CSNK1D: variants seen among roughly 807,000 people sequenced by gnomAD.
CSNK1D encodes casein kinase 1 delta, also known as casein kinase I isoform delta.
Under a neutral mutation model 46.6 loss-of-function variants are expected in CSNK1D, and 16 were observed. That is an observed-to-expected ratio of 0.34 (90% CI 0.23 to 0.52). The LOEUF (loss-of-function observed/expected upper bound fraction) is 0.52. CSNK1D is among the 20% of genes least tolerant of loss of function. CSNK1D has a pLI of 0.95. For missense variants in CSNK1D, 398 were observed against 578.4 expected (o/e 0.69, Z 3.20); for synonymous variants, 276 against 228.2 (o/e 1.21, Z -1.89).
chr17:82,263,404 T>C (rs1410454650), intron 2 of CSNK1D, among the ~76,000 whole-genome samples: 1 of 152,200 alleles, frequency 6.6e-6, no homozygotes, highest in Non-Finnish European at 1.5e-5. Flanking sequence ...AGGTGCAGGC[T>C]TCTTTACTCT....
chr17:82,273,682 G>A lies in CSNK1D; in HGVS notation c.-301C>T. The A allele has an allele frequency of 7.9e-6, 4 of 505,990 alleles. No homozygotes were observed. The highest frequency in any genetic ancestry group is 3.4e-5 in the East Asian group (1 of 29,058). 31.3% of individuals were successfully genotyped at this position (505,990 alleles called of 1,614,324 possible). A position where few individuals can be genotyped will look rare whatever the true frequency, so the allele number is the denominator to read the frequency against. Reference sequence around the variant, plus strand: ...AATCCCCTTTCAGCTGCCTAAAGGAGCCGCCGCCATCGCGCTGTGACGTCA... The same window carrying A: ...AATCCCCTTTCAGCTGCCTAAAGGAACCGCCGCCATCGCGCTGTGACGTCA... On this transcript the variant is annotated 5_prime_UTR_variant, in exon 1 of 9. Coordinates refer to ENST00000314028, the MANE Select transcript of CSNK1D (RefSeq NM_001893.6). The surrounding 1 kb of genome is among the most constrained non-coding windows in gnomAD (Gnocchi z 5.1).
At position 82,273,143 on chromosome 17, in the gene CSNK1D, C is replaced by T; in HGVS notation, c.76+163G>A. ...TCCCCACTGCCCTCCCCACCCCTGGCCGCGCTAGCCTAGTGGCCGTTGGGT... is the reference window on the plus strand; with the variant it reads ...TCCCCACTGCCCTCCCCACCCCTGGTCGCGCTAGCCTAGTGGCCGTTGGGT... On this transcript the variant is annotated intron_variant, in intron 1 of 8. Coordinates refer to ENST00000314028, the MANE Select transcript of CSNK1D (RefSeq NM_001893.6). This position sits in a 1 kb window ranked among gnomAD's most constrained non-coding sequence, Gnocchi z 5.1. 1 of 684,202 alleles carries T rather than the reference C, an allele frequency of 1.5e-6. No homozygotes were observed. Among genetic ancestry groups the T allele is most frequent in the Non-Finnish European group, 2.4e-6 (1 of 417,196 alleles). The allele number at this position is 684,202 out of a possible 1,614,324, so 42.4% of individuals were successfully genotyped here.
downstream of CSNK1D, among the ~76,000 whole-genome samples, chr17:82,242,475 G>A (rs1458580880): frequency 6.6e-6 from 1 of 151,412 alleles, no homozygotes; most frequent in Non-Finnish European, 1.5e-5. Context: ...GCACGGCGAG[G>A]AGCAGTCGCC....
rs2050906420 is a variant in CSNK1D, at chr17:82,248,448, G to C, written c.1197+427C>G. The C allele has an allele frequency of 6.8e-6, 7 of 1,035,800 alleles. No homozygotes were observed. The highest frequency in any genetic ancestry group is 8.2e-6 in the Non-Finnish European group (7 of 858,014). The allele number at this position is 1,035,800 out of a possible 1,614,324, so 64.2% of individuals were successfully genotyped here. A position where few individuals can be genotyped will look rare whatever the true frequency, so the allele number is the denominator to read the frequency against. On this transcript the variant is annotated intron_variant, in intron 8 of 8. Transcript: ENST00000314028. This position sits in a 1 kb window ranked among gnomAD's most constrained non-coding sequence, Gnocchi z 4.1. Reference sequence around the variant, plus strand: ...GAGGGTCTCACAAGAAGCCCGTGGAGGTCCCTACGGGCCTCCATCCCTGGC... The same window carrying C: ...GAGGGTCTCACAAGAAGCCCGTGGACGTCCCTACGGGCCTCCATCCCTGGC...
chr17:82,253,360 G>A, intron 3 of CSNK1D, 116 bp from the exon 4 acceptor site: 1 of 903,604 alleles, frequency 1.1e-6, no homozygotes, highest in Non-Finnish European at 1.9e-6. Flanking sequence ...GCCACAGCAG[G>A]GTAGTTTAAC....
chr17:82,261,538 G>A (rs190721195), intron 2 of CSNK1D, among the ~76,000 whole-genome samples: 8 of 152,304 alleles, frequency 5.3e-5, no homozygotes, highest in African/African-American at 1.9e-4. Context: ...GTTTTCAGCA[G>A]TTGAACCCTA....
chr17:82,273,519 T>C lies in CSNK1D; in HGVS notation c.-138A>G, dbSNP rs1048413780. The C allele has an allele frequency of 2.8e-6, 3 of 1,056,746 alleles. No individual in the cohort carries two copies. The highest frequency in any genetic ancestry group is 2.2e-5 in the Admixed American group (1 of 45,700). The allele number at this position is 1,056,746 out of a possible 1,614,324, so 65.5% of individuals were successfully genotyped here. A position where few individuals can be genotyped will look rare whatever the true frequency, so the allele number is the denominator to read the frequency against. ...CTCACGGCCCCGCTTTCACCATCGC[T>C]TTCCTGTCGCCCCGCCGCTCCCAGC... On this transcript the variant is annotated 5_prime_UTR_variant, in exon 1 of 9. Coordinates refer to ENST00000314028, the MANE Select transcript of CSNK1D (RefSeq NM_001893.6). This position sits in a 1 kb window ranked among gnomAD's most constrained non-coding sequence, Gnocchi z 5.1.
rs1366113979 is a variant in CSNK1D at position 82,246,283 on chromosome 17, G to C, written c.1198-1452C>G. The C allele has an allele frequency of 2.1e-6, 3 of 1,412,204 alleles. No homozygotes were observed. In the East Asian group the frequency reaches 8.2e-5, roughly 38 times the overall value. The allele number at this position is 1,412,204 out of a possible 1,614,324, so 87.5% of individuals were successfully genotyped here. A position where few individuals can be genotyped will look rare whatever the true frequency, so the allele number is the denominator to read the frequency against. On this transcript the variant is annotated intron_variant, in intron 8 of 8. Coordinates refer to ENST00000314028, the MANE Select transcript of CSNK1D (RefSeq NM_001893.6). Reference sequence around the variant, plus strand: ...TTAAGGCCAACAATGGCATGGGACAGGCCCTCCTGAGTCTTCTCAAGCACT... The same window carrying C: ...TTAAGGCCAACAATGGCATGGGACACGCCCTCCTGAGTCTTCTCAAGCACT...
chr17:82,241,638 G>A (rs2050743071), downstream of CSNK1D, among the ~76,000 whole-genome samples: 1 of 152,208 alleles, frequency 6.6e-6, no homozygotes, highest in Non-Finnish European at 1.5e-5. Context: ...CAGGGGCTGA[G>A]CCTCACCCAC....
At position 82,250,525 on chromosome 17, in the gene CSNK1D, G is replaced by A. The variant is rs1400318822; in HGVS notation, c.885+854C>T. On this transcript the variant is annotated intron_variant, in intron 6 of 8. Coordinates refer to ENST00000314028, the MANE Select transcript of CSNK1D (RefSeq NM_001893.6). The surrounding 1 kb of genome is among the most constrained non-coding windows in gnomAD (Gnocchi z 4.6). ...CGAGTGCACCCCTCCCGGCACCTGGGCCCCGAGGCTCGGGCCTGCCTCGCC... is the reference window on the plus strand; with the variant it reads ...CGAGTGCACCCCTCCCGGCACCTGGACCCCGAGGCTCGGGCCTGCCTCGCC... 1 of 248,896 alleles carries A rather than the reference G, an allele frequency of 4.0e-6. No homozygotes were observed. Among genetic ancestry groups the A allele is most frequent in the Admixed American group, 5.0e-5 (1 of 20,136 alleles). The allele number at this position is 248,896 out of a possible 1,614,324, so 15.4% of individuals were successfully genotyped here. A position where few individuals can be genotyped will look rare whatever the true frequency, so the allele number is the denominator to read the frequency against.
Position 82,263,971 on chromosome 17 carries a change from C to T in CSNK1D, c.187+1715G>A, listed in dbSNP as rs144335670. On this transcript the variant is annotated intron_variant, in intron 2 of 8. Coordinates refer to ENST00000314028, the MANE Select transcript of CSNK1D (RefSeq NM_001893.6). ...GTGGCCTCCTCTGGTCACGTGAGGCCCGTGATGGGACACACTGGGTGCCCC... is the reference window on the plus strand; with the variant it reads ...GTGGCCTCCTCTGGTCACGTGAGGCTCGTGATGGGACACACTGGGTGCCCC... Among the ~76,000 whole-genome samples the T allele has an allele frequency of 3.9e-3, 596 of 152,318 alleles. 2 individuals carry two copies. Among genetic ancestry groups the T allele is most frequent in the South Asian group, 0.028 (136 of 4,822 alleles).
rs550047883 is a variant in CSNK1D at position 82,248,789 on chromosome 17, A to C, written c.1197+86T>G. On this transcript the variant is annotated intron_variant, in intron 8 of 8. Transcript: ENST00000314028. This position sits in a 1 kb window ranked among gnomAD's most constrained non-coding sequence, Gnocchi z 4.1. ...CAAAAATGGGGGGAAGAAAGGAAAG[A>C]AGAAGCCCTGGAGAAACCACAGCCC... 2 of 1,543,252 alleles carry C rather than the reference A, an allele frequency of 1.3e-6. No homozygotes were observed. The highest frequency in any genetic ancestry group is 2.4e-5 in the South Asian group (2 of 84,636).
intron 1 of CSNK1D, 67 bp from the exon 2 acceptor site, chr17:82,265,863 G>T: frequency 8.0e-7 from 1 of 1,249,974 alleles, no homozygotes; most frequent in East Asian, 2.3e-5. Context: ...ACATGCTGGA[G>T]AAACAACAAG....
At chr17:82,266,040 C>T (rs1280361236) in intron 1 of CSNK1D, among the ~76,000 whole-genome samples, 2 of 152,188 alleles carry the variant, frequency 1.3e-5, no homozygotes, top group South Asian at 2.1e-4. Flanking sequence ...TTCCATCACC[C>T]GCCCACCAGT....
rs769591591 is a variant in CSNK1D at position 82,244,768 on chromosome 17, A to G, written c.*13T>C. 5 of 1,613,910 alleles carry G rather than the reference A, an allele frequency of 3.1e-6. No homozygotes were observed. Among genetic ancestry groups the G allele is most frequent in the Middle Eastern group, 1.6e-4 (1 of 6,084 alleles). On this transcript the variant is annotated 3_prime_UTR_variant, in exon 9 of 9. Coordinates refer to ENST00000314028, the MANE Select transcript of CSNK1D (RefSeq NM_001893.6). ...CATGCATTGTCTGCCCTTCACAGCA[A>G]TAAGGAGAGTTCTCATCGGTGCACG... is the stretch of plus-strand genomic sequence containing the variant.
At chr17:82,246,817 C>T in intron 8 of CSNK1D, 1 of 986,560 alleles carries the variant, frequency 1.0e-6, no homozygotes, top group Non-Finnish European at 1.2e-6. Context: ...AGAGCGACGG[C>T]CCGAGGAGGA....
rs998978782 is a variant in CSNK1D at position 82,251,017 on chromosome 17, G to T, written c.885+362C>A. On this transcript the variant is annotated intron_variant, in intron 6 of 8. Coordinates refer to ENST00000314028, the MANE Select transcript of CSNK1D (RefSeq NM_001893.6). The surrounding 1 kb of genome is among the most constrained non-coding windows in gnomAD (Gnocchi z 4.5). The stretch of plus-strand genomic sequence containing the variant: ...GGCCCCAACCCCACTCATCTCGTGG[G>T]CACCACGACCATGTGGCACAGCGAA... The T allele has an allele frequency of 1.4e-5, 5 of 345,934 alleles. No homozygotes were observed. Among genetic ancestry groups the T allele is most frequent in the African/African-American group, 1.1e-4 (5 of 46,926 alleles). The allele number at this position is 345,934 out of a possible 1,614,324, so 21.4% of individuals were successfully genotyped here.
intron 1 of CSNK1D, among the ~76,000 whole-genome samples, chr17:82,268,986 A>G (rs2051548491): frequency 6.6e-6 from 1 of 151,188 alleles, no homozygotes; most frequent in Admixed American, 6.6e-5. Flanking sequence ...AACCCCAGCT[A>G]CTCAGGAGGT....
downstream of CSNK1D, chr17:82,240,082 A>T: frequency 8.1e-7 from 1 of 1,233,304 alleles, no homozygotes. Flanking sequence ...AAAGCAAGCG[A>T]AAAGTGCACA....
Sources: gnomAD v4.1 joint callset for allele counts (sites outside exome capture counted in the v4.1 genomes callset) on GRCh38, gnomAD v4.1.1 for gene constraint, Gnocchi (gnomAD v3.1) non-coding constraint, MANE v1.5 for transcripts, NCBI Gene and HGNC (gene_info 2026-07-23, HGNC 2026-07-21) for gene names.